ZFP91: variants seen among roughly 807,000 people sequenced by gnomAD.
ZFP91 encodes E3 ubiquitin-protein ligase ZFP91.
A neutral mutation model predicts 63.5 loss-of-function variants in ZFP91; 7 were observed. That is an observed-to-expected ratio of 0.11 (90% CI 0.06 to 0.21). The LOEUF (loss-of-function observed/expected upper bound fraction) is 0.21, where lower values mean the gene tolerates loss of function less well. Ranked by LOEUF, ZFP91 falls within the 10% of genes least tolerant of loss-of-function variation. The pLI, the probability that ZFP91 is intolerant of heterozygous loss-of-function variation, is 1.00. For missense variants in ZFP91, 628 were observed against 736.6 expected (o/e 0.85, Z 1.71); for synonymous variants, 330 against 272.1 (o/e 1.21, Z -2.10).
chr11:58,585,602 A>T (rs578229816), intron 2 of ZFP91, among the ~76,000 whole-genome samples: 2 of 152,296 alleles, frequency 1.3e-5, no homozygotes, highest in East Asian at 3.9e-4. Flanking sequence ...TGTGACCTTG[A>T]CCCAGGCTTG....
At chr11:58,589,292 C>T (rs1017557573) in intron 2 of ZFP91, among the ~76,000 whole-genome samples, 3 of 152,128 alleles carry the variant, frequency 2.0e-5, no homozygotes. Flanking sequence ...CTAGCCTGGT[C>T]TGGCTAGGCA....
At chr11:58,598,786 G>GTA (rs1491579302) in intron 2 of ZFP91, among the ~76,000 whole-genome samples, 14 of 143,102 alleles carry the variant, frequency 9.8e-5, no homozygotes, top group African/African-American at 3.4e-4. Context: ...GTGTGTGTGT[G>GTA]TTTTGAGGTG....
chr11:58,590,266 A>G (rs1855281953), intron 2 of ZFP91, among the ~76,000 whole-genome samples: 1 of 152,244 alleles, frequency 6.6e-6, no homozygotes. Context: ...AAGAAAGAAG[A>G]AATTCCTCTG....
chr11:58,609,103 G>T (rs1027339742), intron 2 of ZFP91, among the ~76,000 whole-genome samples: 1 of 152,074 alleles, frequency 6.6e-6, no homozygotes, highest in African/African-American at 2.4e-5. Context: ...ATAGGTCTAA[G>T]TATTTAGCTA....
chr11:58,581,561 A>G (rs1028411219), intron 1 of ZFP91, among the ~76,000 whole-genome samples: 9 of 152,210 alleles, frequency 5.9e-5, no homozygotes, highest in African/African-American at 1.9e-4. Flanking sequence ...AGGTTTCACC[A>G]TATTGGCCGG....
intron 9 of ZFP91, 65 bp from the exon 10 acceptor site, chr11:58,616,651 T>C: frequency 7.2e-7 from 1 of 1,379,642 alleles, no homozygotes; most frequent in Admixed American, 1.8e-5. Context: ...TCTGCTTACT[T>C]ACTGTAAGGG....
chr11:58,598,423 A>G (rs1855439097), intron 2 of ZFP91, among the ~76,000 whole-genome samples: 3 of 152,110 alleles, frequency 2.0e-5, no homozygotes. Flanking sequence ...TGGCGTATGA[A>G]TGGATCCATG....
intron 1 of ZFP91, among the ~76,000 whole-genome samples, chr11:58,579,917 C>T (rs1855076413): frequency 6.6e-6 from 1 of 152,118 alleles, no homozygotes; most frequent in Non-Finnish European, 1.5e-5. Context: ...GCAGGCTCAT[C>T]CCTCTTTCTG....
chr11:58,589,686 C>T (rs1855272141), intron 2 of ZFP91, among the ~76,000 whole-genome samples: 2 of 152,194 alleles, frequency 1.3e-5, no homozygotes, highest in East Asian at 1.9e-4. Flanking sequence ...CTTAAGGTAG[C>T]AGTAACTGTA....
intron 2 of ZFP91, among the ~76,000 whole-genome samples, chr11:58,605,957 C>T (rs539902306): frequency 9.4e-4 from 143 of 152,092 alleles, no homozygotes; most frequent in South Asian, 2.1e-3. Context: ...ACTGGATCAT[C>T]TCTGTTGGCC....
Position 58,585,004 on chromosome 11 carries a change from T to C in ZFP91, c.370+120T>C, listed in dbSNP as rs1855181396. The C allele has an allele frequency of 4.1e-6, 3 of 732,284 alleles. No homozygotes were observed. In the South Asian group the frequency reaches 1.1e-4, roughly 27 times the overall value. 45.4% of individuals were successfully genotyped at this position (732,284 alleles called of 1,614,324 possible). ...AAGGAATTTTTATTTGGTAAAAAAT[T>C]ACTGGAGTTAGAAAATATTTAGACG... On this transcript the variant is annotated intron_variant, in intron 2 of 10. Transcript: ENST00000316059.
chr11:58,581,680 GAAAAT>G (rs1855119104), intron 1 of ZFP91, among the ~76,000 whole-genome samples: 1 of 152,196 alleles, frequency 6.6e-6, no homozygotes, highest in African/African-American at 2.4e-5. Context: ...ATTTTTGAAG[GAAAAT>G]AAATAATTTT....
chr11:58,608,715 C>T (rs746037760), intron 2 of ZFP91, among the ~76,000 whole-genome samples: 4 of 152,194 alleles, frequency 2.6e-5, no homozygotes, highest in Non-Finnish European at 5.9e-5. Flanking sequence ...AGTGATTCTC[C>T]TGCCTCAGCC....
intron 2 of ZFP91, among the ~76,000 whole-genome samples, chr11:58,593,890 C>T (rs973118830): frequency 6.6e-6 from 1 of 152,184 alleles, no homozygotes; most frequent in Admixed American, 6.5e-5. Flanking sequence ...TTAAGTTATT[C>T]TCTAGTCCTG....
At chr11:58,599,409 A>G (rs1196239057) in intron 2 of ZFP91, among the ~76,000 whole-genome samples, 2 of 152,084 alleles carry the variant, frequency 1.3e-5, no homozygotes, top group Non-Finnish European at 2.9e-5. Flanking sequence ...TAGGTTTTCC[A>G]TAACACTGTT....
At chr11:58,602,910 C>A (rs1339429801) in intron 2 of ZFP91, among the ~76,000 whole-genome samples, 1 of 151,946 alleles carries the variant, frequency 6.6e-6, no homozygotes, top group Non-Finnish European at 1.5e-5. Context: ...ACCTAGGAGG[C>A]GATGATTGCG....
intron 2 of ZFP91, among the ~76,000 whole-genome samples, chr11:58,587,276 C>A (rs926651908): frequency 1.3e-5 from 2 of 152,222 alleles, no homozygotes; most frequent in East Asian, 3.9e-4. Flanking sequence ...TGTTGAGCAT[C>A]CACTATGTGT....
At chr11:58,606,475 A>G (rs1855571920) in intron 2 of ZFP91, among the ~76,000 whole-genome samples, 1 of 151,730 alleles carries the variant, frequency 6.6e-6, no homozygotes. Context: ...TTTAGCTCTG[A>G]TTGTCTTTAG....
In ZFP91 at chr11:58,616,894, T is replaced by C. The variant is rs966491747; in HGVS notation, c.1202+79T>C. 9.6e-5 allele frequency: 128 copies of C among 1,335,702 alleles called. 3 individuals are homozygous for C. The East Asian group carries it at 2.0e-3, about 21-fold the overall frequency. The allele number at this position is 1,335,702 out of a possible 1,614,324, so 82.7% of individuals were successfully genotyped here. A position where few individuals can be genotyped will look rare whatever the true frequency, so the allele number is the denominator to read the frequency against. On this transcript the variant is annotated intron_variant, in intron 10 of 10. Coordinates refer to ENST00000316059, the MANE Select transcript of ZFP91 (RefSeq NM_053023.5). ...GAAGGTTTGCCGCTTTACAAACATATTAGTTGCCACTGCTGTTTACTTTCA... is the reference window on the plus strand; with the variant it reads ...GAAGGTTTGCCGCTTTACAAACATACTAGTTGCCACTGCTGTTTACTTTCA...
Sources: gnomAD v4.1 joint callset for allele counts (sites outside exome capture counted in the v4.1 genomes callset) on GRCh38, gnomAD v4.1.1 for gene constraint, MANE v1.5 for transcripts, NCBI Gene and HGNC (gene_info 2026-07-23, HGNC 2026-07-21) for gene names.